VWDE: variants seen among roughly 807,000 people sequenced by gnomAD.
VWDE encodes von Willebrand factor D and EGF domain-containing protein.
Under a neutral mutation model 178.4 loss-of-function variants are expected in VWDE, and 207 were observed. The ratio of observed to expected loss-of-function variants is 1.16; its 90% CI spans 1.04 to 1.30. The LOEUF (loss-of-function observed/expected upper bound fraction) is 1.30, where lower values mean the gene tolerates loss of function less well. VWDE is among the 50% of genes most tolerant of loss of function. The pLI is 0.00. For missense variants in VWDE, 2,287 were observed against 1,901.3 expected (o/e 1.20, Z -3.77); for synonymous variants, 738 against 651.4 (o/e 1.13, Z -2.02).
At chr7:12,348,164 G>A (rs1335804113) in intron 19 of VWDE, among the ~76,000 whole-genome samples, 1 of 147,652 alleles carries the variant, frequency 6.8e-6, no homozygotes, top group Non-Finnish European at 1.5e-5. Flanking sequence ...ACAGGCATGG[G>A]CAAGGACTTC....
Position 12,361,223 on chromosome 7 carries a change from T to C in VWDE, c.3083A>G (p.Asn1028Ser), listed in dbSNP as rs1782558675. 1.3e-6 allele frequency: 2 copies of C among 1,548,262 alleles called. No individual in the cohort carries two copies. The highest frequency in any genetic ancestry group is 2.5e-5 in the East Asian group (1 of 40,788). ...ATCATATATGACCGTTATTTTGGGA[T>C]TACTGAATTTATAACCATCATTAGA... is the stretch of plus-strand genomic sequence containing the variant. ...KVSNDGYKFS[N>S]PKITVIYDGA... Residue 1028 changes from asparagine to serine, a missense_variant, in exon 15 of 29, where the codon AAT (asparagine) becomes AGT (serine). Coordinates refer to ENST00000275358, the MANE Select transcript of VWDE (RefSeq NM_001135924.3).
chr7:12,361,597 A>T (rs1204255025), intron 13 of VWDE, 76 bp from the exon 14 acceptor site: 1 of 1,352,692 alleles, frequency 7.4e-7, no homozygotes, highest in Non-Finnish European at 9.8e-7. Flanking sequence ...CATATAATGA[A>T]AACATAAATT....
At chr7:12,369,153 T>C (rs891696778) in intron 12 of VWDE, among the ~76,000 whole-genome samples, 1 of 152,044 alleles carries the variant, frequency 6.6e-6, no homozygotes, top group African/African-American at 2.4e-5. Flanking sequence ...AATACTAAAT[T>C]TGAGTTCTGG....
chr7:12,380,079 G>A (rs542036530), intron 5 of VWDE, among the ~76,000 whole-genome samples: 34 of 151,454 alleles, frequency 2.2e-4, no homozygotes, highest in Non-Finnish European at 2.9e-5. Context: ...ACTCCAGCCT[G>A]GCGACAGAGT....
At chr7:12,356,797 C>G (rs73678113) in intron 17 of VWDE, among the ~76,000 whole-genome samples, 2,606 of 152,240 alleles carry the variant, frequency 0.017, 66 homozygotes, top group African/African-American at 0.06. Context: ...TAAAGGGTTT[C>G]TAAGTATTAA....
intron 3 of VWDE, among the ~76,000 whole-genome samples, chr7:12,385,070 A>G (rs1784032939): frequency 6.6e-6 from 1 of 152,112 alleles, no homozygotes; most frequent in African/African-American, 2.4e-5. Context: ...AAATATATAA[A>G]CTTTTTTAGA....
At chr7:12,338,934 T>G (rs1455527822) in intron 24 of VWDE, among the ~76,000 whole-genome samples, 1 of 152,160 alleles carries the variant, frequency 6.6e-6, no homozygotes, top group African/African-American at 2.4e-5. Flanking sequence ...GATTTTACAT[T>G]CCACCTAATT....
intron 21 of VWDE, among the ~76,000 whole-genome samples, chr7:12,343,829 T>C (rs1269369911): frequency 6.6e-6 from 1 of 152,170 alleles, no homozygotes; most frequent in Non-Finnish European, 1.5e-5. Context: ...TTTCTAGTTA[T>C]TTGGCATTTA....
intron 1 of VWDE, among the ~76,000 whole-genome samples, chr7:12,398,618 T>A (rs963985049): frequency 1.3e-5 from 2 of 152,152 alleles, no homozygotes; most frequent in Non-Finnish European, 2.9e-5. Flanking sequence ...TGCCTAGCAA[T>A]ACTCATTGTT....
chr7:12,349,999 T>A (rs1781840979), intron 19 of VWDE, among the ~76,000 whole-genome samples: 1 of 151,912 alleles, frequency 6.6e-6, no homozygotes, highest in African/African-American at 2.4e-5. Context: ...AGAAAAACAA[T>A]CTAAAATTAC....
chr7:12,359,525 A>G (rs1210831159), intron 16 of VWDE, 53 bp downstream of exon 16: 1 of 1,280,014 alleles, frequency 7.8e-7, no homozygotes, highest in African/African-American at 1.5e-5. Flanking sequence ...GCTGAAAACC[A>G]CTTTTAAAAT....
chr7:12,339,800 A>C (rs6972805), intron 24 of VWDE, among the ~76,000 whole-genome samples: 25,295 of 152,086 alleles, frequency 0.17, 5,497 homozygotes, highest in African/African-American at 0.5. Flanking sequence ...AATAACCTGC[A>C]ATATTAACTA....
At chr7:12,351,305 T>G (rs901341789) in intron 19 of VWDE, among the ~76,000 whole-genome samples, 1 of 152,130 alleles carries the variant, frequency 6.6e-6, no homozygotes, top group Non-Finnish European at 1.5e-5. Context: ...AATATAAGTT[T>G]GAAATAGTCC....
At chr7:12,336,041 G>GAT (rs35608044) in intron 27 of VWDE, 100 bp downstream of exon 27, 9 of 1,007,214 alleles carry the variant, frequency 8.9e-6, no homozygotes, top group South Asian at 1.7e-5. Context: ...GCATGCTGGA[G>GAT]TTTTTTCCCC....
intron 4 of VWDE, 82 bp downstream of exon 4, chr7:12,383,454 T>C: frequency 8.9e-7 from 1 of 1,123,802 alleles, no homozygotes; most frequent in Non-Finnish European, 1.3e-6. Flanking sequence ...TAATTCAACA[T>C]CCAAAGCTGC....
At chr7:12,397,361 A>C (rs568691895) in intron 1 of VWDE, among the ~76,000 whole-genome samples, 3 of 152,344 alleles carry the variant, frequency 2.0e-5, no homozygotes, top group Non-Finnish European at 4.4e-5. Context: ...ATAACTGGCT[A>C]GCCATAGGCA....
At chr7:12,388,767 A>G (rs1784227078) in intron 3 of VWDE, 2 of 353,732 alleles carry the variant, frequency 5.7e-6, no homozygotes, top group East Asian at 1.5e-4. Context: ...TGAAAGATGA[A>G]ATAATATAAA....
At chr7:12,380,846 T>A in intron 4 of VWDE, 113 bp from the exon 5 acceptor site, 1 of 1,239,360 alleles carries the variant, frequency 8.1e-7, no homozygotes, top group Non-Finnish European at 1.1e-6. Flanking sequence ...AAAAGCAAGC[T>A]AAATTTAGAA....
At chr7:12,346,442 G>A (rs1413173753) in intron 19 of VWDE, among the ~76,000 whole-genome samples, 1 of 152,004 alleles carries the variant, frequency 6.6e-6, no homozygotes, top group Non-Finnish European at 1.5e-5. Flanking sequence ...CTATAAAGAA[G>A]ACAGGAACTA....
Sources: gnomAD v4.1 joint callset for allele counts (sites outside exome capture counted in the v4.1 genomes callset) on GRCh38, gnomAD v4.1.1 for gene constraint, MANE v1.5 for transcripts, NCBI Gene and HGNC (gene_info 2026-07-23, HGNC 2026-07-21) for gene names.